DDX17: variants seen among roughly 807,000 people sequenced by gnomAD.
DDX17 encodes the protein probable ATP-dependent RNA helicase DDX17.
A neutral mutation model predicts 80.8 loss-of-function variants in DDX17; 10 were observed. That is an observed-to-expected ratio of 0.12 (90% CI 0.08 to 0.21). The LOEUF (loss-of-function observed/expected upper bound fraction) is 0.21, where lower values mean the gene tolerates loss of function less well. DDX17 is among the 10% of genes least tolerant of loss of function. The pLI is 1.00. For missense variants in DDX17, 586 were observed against 957.4 expected (o/e 0.61, Z 5.12); for synonymous variants, 339 against 336.2 (o/e 1.01, Z -0.09).
chr22:38,500,817 C>CAAAAAAAAAAAAAAAAAAAAAAAA lies in DDX17; in HGVS notation c.438+289_438+312dup, dbSNP rs138453. 7.4e-5 allele frequency among the ~76,000 whole-genome samples: 4 copies of CAAAAAAAAAAAAAAAAAAAAAAAA among 54,186 alleles called. 1 individual carries two copies. The highest frequency in any genetic ancestry group is 1.8e-4 in the African/African-American group (2 of 11,048). 35.5% of individuals were successfully genotyped at this position (54,186 alleles called of 152,430 possible). The stretch of plus-strand genomic sequence containing the variant: ...GGGCAACAAGAGCAAAACTCCGTCT[C>CAAAAAAAAAAAAAAAAAAAAAAAA]AAAAAAAAAAAAAAAAAAAAAAAAA... On this transcript the variant is annotated intron_variant, in intron 2 of 12. Transcript: ENST00000403230.
chr22:38,495,652 T>C (rs943583446), intron 6 of DDX17, 144 bp downstream of exon 6: 1 of 594,914 alleles, frequency 1.7e-6, no homozygotes. Flanking sequence ...TCTCTCAAAA[T>C]AGCTGTTTTA....
At chr22:38,495,110 G>A in intron 6 of DDX17, 64 bp from the exon 7 acceptor site, 1 of 1,522,580 alleles carries the variant, frequency 6.6e-7, no homozygotes, top group South Asian at 1.2e-5. Context: ...CTGTGTTCTA[G>A]CACTTTGGGA....
intron 6 of DDX17, among the ~76,000 whole-genome samples, 194 bp from the exon 7 acceptor site, chr22:38,495,240 G>A (rs1006387933): frequency 1.1e-4 from 13 of 122,300 alleles, no homozygotes; most frequent in Admixed American, 2.2e-4. Flanking sequence ...ATGCTGCAGA[G>A]AAGCTATTTT....
At chr22:38,497,619 C>CAAAAAAAAAAAAAAAAAAAAAAAAAAA (rs138449) in intron 5 of DDX17, among the ~76,000 whole-genome samples, 1 of 74,884 alleles carries the variant, frequency 1.3e-5, no homozygotes, top group Non-Finnish European at 2.4e-5. Context: ...AATATATCTC[C>CAAAAAAAAAAAAAAAAAAAAAAAAAAA]AAAAAAAAAA....
chr22:38,486,206 T>C lies in DDX17; in HGVS notation c.1919A>G (p.Tyr640Cys). ...ACTGGTGCCATAAGCAGCTGCCCCA[T>C]AGGTGCCTTGACCATAGGTGTATTG... The change falls in exon 13 of 13, where the codon TAT becomes TGT. Residue 640 changes from tyrosine (Y) to cysteine (C), a missense_variant. This residue lies in a region of DDX17 where 221 missense variants were observed against 261.4 expected (regional missense o/e 0.85). Coordinates refer to ENST00000403230, the MANE Select transcript of DDX17 (RefSeq NM_006386.5). The C allele has an allele frequency of 1.9e-6, 3 of 1,613,980 alleles. No individual in the cohort carries two copies. Among genetic ancestry groups the C allele is most frequent in the South Asian group, 1.1e-5 (1 of 91,076 alleles).
chr22:38,501,520 TGA>T (rs1602685059), intron 1 of DDX17, among the ~76,000 whole-genome samples: 1 of 152,192 alleles, frequency 6.6e-6, no homozygotes, highest in African/African-American at 2.4e-5. Flanking sequence ...ATCCCTTTAT[TGA>T]GAGAAATACA....
rs756260438 is a variant in DDX17, at chr22:38,487,902, T to G, written c.1661A>C (p.His554Pro). ...ACCCCCGCCTCCGCCGCCTCCTCTG[T>G]GGTCCACAAGCTGCATCAGTTTTGG... is the stretch of plus-strand genomic sequence containing the variant. The change falls in exon 12 of 13, where the codon CAC becomes CCC. Residue 554 changes from histidine to proline, a missense_variant. Coordinates refer to ENST00000403230, the MANE Select transcript of DDX17 (RefSeq NM_006386.5). 4 of 1,614,134 alleles carry G rather than the reference T, an allele frequency of 2.5e-6. No individual in the cohort carries two copies. Among genetic ancestry groups the G allele is most frequent in the Non-Finnish European group, 3.4e-6 (4 of 1,180,054 alleles).
intron 1 of DDX17, among the ~76,000 whole-genome samples, chr22:38,502,503 A>G (rs1359067958): frequency 6.6e-6 from 1 of 151,808 alleles, no homozygotes; most frequent in Non-Finnish European, 1.5e-5. Context: ...TTGTTCCCAA[A>G]TGGTATTATT....
chr22:38,491,949 A>ACC (rs1420423872), intron 11 of DDX17, 107 bp downstream of exon 11: 2 of 661,094 alleles, frequency 3.0e-6, no homozygotes, highest in Admixed American at 3.7e-5. Context: ...TATTTATCTA[A>ACC]CCACATGTAT....
At chr22:38,492,383 CA>C (rs1348538257) in intron 10 of DDX17, among the ~76,000 whole-genome samples, 2 of 152,092 alleles carry the variant, frequency 1.3e-5, no homozygotes, top group African/African-American at 4.8e-5. Flanking sequence ...AGTTATTTCC[CA>C]AATGAGACAC....
Position 38,505,956 on chromosome 22 carries a change from A to T in DDX17, c.282T>A (p.Arg94=), listed in dbSNP as rs2089878374. 8 of 1,503,646 alleles carry T rather than the reference A, an allele frequency of 5.3e-6. No homozygotes were observed. The highest frequency in any genetic ancestry group is 7.1e-6 in the Non-Finnish European group (8 of 1,124,994). 93.1% of individuals were successfully genotyped at this position (1,503,646 alleles called of 1,614,324 possible). The change falls in exon 1 of 13, where the codon CGT becomes CGA. Residue 94 remains arginine (R), a synonymous_variant. Coordinates refer to ENST00000403230, the MANE Select transcript of DDX17 (RefSeq NM_006386.5). ...CTCTCCTCCCCCACCCTTACCCTCC[A>T]CGGTCACGATCCCGGTCCCGGTCCC...
At chr22:38,493,202 G>A (rs1042610217) in intron 10 of DDX17, among the ~76,000 whole-genome samples, 4 of 151,980 alleles carry the variant, frequency 2.6e-5, no homozygotes, top group African/African-American at 4.8e-5. Context: ...TTATCTCTTT[G>A]AGACAGGGTC....
chr22:38,500,331 A>G (rs1168029189), intron 2 of DDX17, among the ~76,000 whole-genome samples: 1 of 152,000 alleles, frequency 6.6e-6, no homozygotes, highest in East Asian at 1.9e-4. Flanking sequence ...TTTTATGAGT[A>G]TTAGGGGTCT....
chr22:38,499,509 A>G lies in DDX17; in HGVS notation c.439-10T>C, dbSNP rs747343678. 2 of 1,585,464 alleles carry G rather than the reference A, an allele frequency of 1.3e-6. No individual in the cohort carries two copies. Among genetic ancestry groups the G allele is most frequent in the Non-Finnish European group, 1.7e-6 (2 of 1,159,300 alleles). ...GCTCATCAACCTCATACTATTGAAA[A>G]AAAATGAAAGAAGTTAGTAAACTAG... On this transcript the variant is annotated splice_polypyrimidine_tract_variant and intron_variant, in intron 2 of 12. Transcript: ENST00000403230.
intron 2 of DDX17, 111 bp downstream of exon 2, chr22:38,501,016 TATC>T: frequency 7.9e-7 from 1 of 1,263,822 alleles, no homozygotes; most frequent in Non-Finnish European, 1.0e-6. Context: ...TTAAGAAAAA[TATC>T]ACCACACTAG....
Position 38,506,293 on chromosome 22 carries a change from A to G in DDX17, c.-56T>C. On this transcript the variant is annotated 5_prime_UTR_variant, in exon 1 of 13. Transcript: ENST00000403230. ...CGGTTTAGGCGTCTCCTTCCTTCCC[A>G]GCGACTGCACAAAATGGCGGCCGCC... 1 of 1,501,088 alleles carries G rather than the reference A, an allele frequency of 6.7e-7. No individual in the cohort carries two copies. Among genetic ancestry groups the G allele is most frequent in the South Asian group, 1.3e-5 (1 of 77,644 alleles). The allele number at this position is 1,501,088 out of a possible 1,614,324, so 93.0% of individuals were successfully genotyped here.
chr22:38,499,546 A>G, intron 2 of DDX17, 47 bp from the exon 3 acceptor site: 1 of 1,436,228 alleles, frequency 7.0e-7, no homozygotes, highest in Non-Finnish European at 9.8e-7. Context: ...TATTCTAAAC[A>G]TTCAGAATTT....
chr22:38,486,472 G>C, intron 12 of DDX17, 32 bp from the exon 13 acceptor site: 1 of 1,550,456 alleles, frequency 6.4e-7, no homozygotes, highest in Non-Finnish European at 8.7e-7. Context: ...ATTTTTAATG[G>C]CAGATATAGG....
Position 38,492,593 on chromosome 22 carries a change from T to C in DDX17, c.1388-478A>G, listed in dbSNP as rs372403744. The stretch of plus-strand genomic sequence containing the variant: ...CCTCCACCTCCCGGGTTCAAGCGAT[T>C]CTCCTGCCTCAGTCTCCCAAATAGC... On this transcript the variant is annotated intron_variant, in intron 10 of 12. Coordinates refer to ENST00000403230, the MANE Select transcript of DDX17 (RefSeq NM_006386.5). Among the ~76,000 whole-genome samples the C allele has an allele frequency of 5.1e-4, 78 of 152,314 alleles. 1 individual carries two copies. In the East Asian group the frequency reaches 9.1e-3, roughly 18 times the overall value.
Sources: allele counts gnomAD v4.1 joint callset (sites outside exome capture counted in the v4.1 genomes callset), GRCh38; gene constraint gnomAD v4.1.1; regional missense constraint gnomAD v4.1.1; transcripts MANE v1.5; gene names NCBI Gene and HGNC (gene_info 2026-07-23, HGNC 2026-07-21).